The following NTRK3 variants were observed in gnomAD, a reference collection of about 807,000 sequenced individuals.
NTRK3 encodes neurotrophic receptor tyrosine kinase 3, also known as NT-3 growth factor receptor.
Under a neutral mutation model 91.7 loss-of-function variants are expected in NTRK3, and 24 were observed. The ratio of observed to expected loss-of-function variants is 0.26; its 90% CI spans 0.19 to 0.37. The LOEUF is 0.37. NTRK3 is among the 10% of genes least tolerant of loss of function. The pLI is 1.00. For missense variants in NTRK3, 880 were observed against 1,068.9 expected, an observed-to-expected ratio of 0.82 and a Z score of 2.46; for synonymous variants, 483 against 404.0, an observed-to-expected ratio of 1.20 and a Z score of -2.34.
chr15:88,213,495 CCAGA>C (rs57605751), intron 3 of NTRK3, among the ~76,000 whole-genome samples: 5,860 of 151,946 alleles, frequency 0.039, 399 homozygotes, highest in African/African-American at 0.13. Flanking sequence ...AGACTAAGGC[CCAGA>C]CAGACAGACA....
chr15:88,068,001 G>A (rs1175538251), intron 13 of NTRK3, among the ~76,000 whole-genome samples: 1 of 152,128 alleles, frequency 6.6e-6, no homozygotes, highest in Non-Finnish European at 1.5e-5. Flanking sequence ...ACTATCTTAG[G>A]AAAGAGAATT....
At chr15:88,093,065 GTTTT>G (rs1050848172) in intron 13 of NTRK3, among the ~76,000 whole-genome samples, 1 of 126,276 alleles carries the variant, frequency 7.9e-6, no homozygotes, top group Non-Finnish European at 1.7e-5. Context: ...GGTTTTTTTT[GTTTT>G]TTTTGTTTTT....
At chr15:88,207,047 G>C (rs1166603826) in intron 3 of NTRK3, among the ~76,000 whole-genome samples, 1 of 152,282 alleles carries the variant, frequency 6.6e-6, no homozygotes, top group Admixed American at 6.5e-5. Context: ...AGTCAAACTC[G>C]GAGTCACTGG....
exon 19 of NTRK3, chr15:87,861,622 A>T (rs1596024899): frequency 5.2e-6 from 1 of 194,172 alleles, no homozygotes; most frequent in Non-Finnish European, 1.1e-5. Context: ...AGGGAAAAAA[A>T]AAATCCCACT....
chr15:88,113,352 A>C (rs1456809815), intron 13 of NTRK3, among the ~76,000 whole-genome samples: 1 of 121,302 alleles, frequency 8.2e-6, no homozygotes, highest in Admixed American at 1.0e-4. Flanking sequence ...GTCTCACTCC[A>C]TTGCCCAGGC....
chr15:87,941,468 CACAT>C (rs1033016567), intron 14 of NTRK3, among the ~76,000 whole-genome samples: 3 of 130,908 alleles, frequency 2.3e-5, no homozygotes, highest in African/African-American at 8.2e-5. Context: ...CACACACATA[CACAT>C]ACACACACAC....
chr15:87,997,849 A>G (rs1276289308), intron 14 of NTRK3, among the ~76,000 whole-genome samples: 1 of 152,146 alleles, frequency 6.6e-6, no homozygotes. Flanking sequence ...AACGTGTGCA[A>G]ATAGCTGTAG....
intron 13 of NTRK3, among the ~76,000 whole-genome samples, chr15:88,085,656 G>C (rs941393881): frequency 6.6e-6 from 1 of 152,198 alleles, no homozygotes; most frequent in Non-Finnish European, 1.5e-5. Context: ...GCAGTATGCA[G>C]TAATCGCTAA....
At chr15:88,155,497 G>A (rs1024017430) in intron 5 of NTRK3, among the ~76,000 whole-genome samples, 6 of 152,282 alleles carry the variant, frequency 3.9e-5, no homozygotes, top group East Asian at 1.9e-4. Flanking sequence ...GTTGTATTAC[G>A]TCACAAACTT....
At chr15:88,238,266 A>G (rs2051992509) in intron 3 of NTRK3, among the ~76,000 whole-genome samples, 1 of 152,206 alleles carries the variant, frequency 6.6e-6, no homozygotes, top group Non-Finnish European at 1.5e-5. Flanking sequence ...GCCAAGAAAT[A>G]TGAGGATTTT....
chr15:88,218,939 G>C (rs2050017859), intron 3 of NTRK3, among the ~76,000 whole-genome samples: 1 of 152,200 alleles, frequency 6.6e-6, no homozygotes, highest in South Asian at 2.1e-4. Context: ...CCAGTGCCAA[G>C]GACCGTCTGT....
chr15:88,171,702 C>T (rs1321946159), intron 5 of NTRK3, among the ~76,000 whole-genome samples: 1 of 152,204 alleles, frequency 6.6e-6, no homozygotes, highest in Admixed American at 6.5e-5. Context: ...AGAAGCTCAG[C>T]TCCTTGGCCA....
intron 13 of NTRK3, among the ~76,000 whole-genome samples, chr15:88,035,841 T>A (rs958734616): frequency 6.6e-5 from 10 of 152,126 alleles, no homozygotes; most frequent in African/African-American, 1.9e-4. Flanking sequence ...AGCAAGGCAA[T>A]ATTTAAAACG....
At chr15:88,094,752 C>A (rs140203363) in intron 13 of NTRK3, among the ~76,000 whole-genome samples, 131 of 152,310 alleles carry the variant, frequency 8.6e-4, no homozygotes, top group Non-Finnish European at 1.6e-3. Flanking sequence ...GGCCCCAGTG[C>A]CCTGCAGACG....
chr15:87,945,919 A>G lies in NTRK3; in HGVS notation c.1586-5166T>C, dbSNP rs143676837. Among the ~76,000 whole-genome samples, 299 of 152,260 alleles carry G rather than the reference A, an allele frequency of 2.0e-3. 1 individual carries two copies. Among genetic ancestry groups the G allele is most frequent in the African/African-American group, 6.8e-3 (282 of 41,572 alleles). The stretch of plus-strand genomic sequence containing the variant: ...AGTTCCTTATCTGTAGAATGGGAAC[A>G]TGGATGTTGACTTGGCAGAACTGTT... On this transcript the variant is annotated intron_variant, in intron 14 of 18. Coordinates refer to ENST00000394480, the Ensembl canonical transcript of NTRK3.
chr15:88,052,334 G>A (rs1382328722), intron 13 of NTRK3, among the ~76,000 whole-genome samples: 2 of 152,190 alleles, frequency 1.3e-5, no homozygotes, highest in African/African-American at 2.4e-5. Context: ...GGTGAAAATA[G>A]GAAGCTATGG....
intron 14 of NTRK3, among the ~76,000 whole-genome samples, chr15:88,019,441 G>A (rs1458999945): frequency 6.6e-6 from 1 of 152,212 alleles, no homozygotes; most frequent in Non-Finnish European, 1.5e-5. Context: ...ATGCCTCAGG[G>A]AAAATGAGTT....
At chr15:88,088,429 C>T (rs1452267581) in intron 13 of NTRK3, among the ~76,000 whole-genome samples, 1 of 152,182 alleles carries the variant, frequency 6.6e-6, no homozygotes, top group East Asian at 1.9e-4. Flanking sequence ...TTGTCCCTTC[C>T]ACCTGGACAC....
intron 13 of NTRK3, among the ~76,000 whole-genome samples, chr15:88,071,928 AAC>A (rs943894309): frequency 2.0e-5 from 3 of 151,930 alleles, no homozygotes; most frequent in African/African-American, 7.3e-5. Context: ...CTGGCAGAGT[AAC>A]ACAGTCCATG....
Sources: gnomAD v4.1 joint callset for allele counts (sites outside exome capture counted in the v4.1 genomes callset) on GRCh38, gnomAD v4.1.1 for gene constraint, MANE v1.5 for transcripts, NCBI Gene and HGNC (gene_info 2026-07-23, HGNC 2026-07-21) for gene names.